The following C11orf65 variants were observed in gnomAD, a reference collection of about 807,000 sequenced individuals.
The protein encoded by C11orf65 is chromosome 11 open reading frame 65.
In C11orf65, 38 loss-of-function variants were observed where a neutral mutation model predicts 35.3. That is an observed-to-expected ratio of 1.08 (90% confidence interval 0.83 to 1.41). The LOEUF (loss-of-function observed/expected upper bound fraction) is 1.41. C11orf65 is among the 40% of genes most tolerant of loss of function. C11orf65 has a pLI of 0.00. For synonymous variants in C11orf65, 105 were observed against 114.4 expected, an observed-to-expected ratio of 0.92 and a Z score of 0.53; for missense variants, 370 against 367.1, an observed-to-expected ratio of 1.01 and a Z score of -0.06.
chr11:108,435,309 T>C (rs2135456209), intron 2 of C11orf65, among the ~76,000 whole-genome samples: 1 of 151,952 alleles, frequency 6.6e-6, no homozygotes, highest in African/African-American at 2.4e-5. Context: ...GTTCTCCTCA[T>C]ACCAATAAAC....
At chr11:108,425,563 G>C (rs1391218909) in intron 3 of C11orf65, among the ~76,000 whole-genome samples, 4 of 152,188 alleles carry the variant, frequency 2.6e-5, no homozygotes, top group African/African-American at 7.2e-5. Flanking sequence ...AATTCTACCA[G>C]AGATACAAAG....
chr11:108,427,328 A>G (rs935380653), intron 3 of C11orf65, among the ~76,000 whole-genome samples: 2 of 151,298 alleles, frequency 1.3e-5, no homozygotes, highest in Non-Finnish European at 2.9e-5. Context: ...TAAGGAACTT[A>G]AACAAATTTA....
chr11:108,317,102 T>TAAA (rs113573757), intron 6 of C11orf65, among the ~76,000 whole-genome samples: 1 of 144,580 alleles, frequency 6.9e-6, no homozygotes, highest in African/African-American at 2.5e-5. Context: ...CCCAGCTATT[T>TAAA]TAAAAAAAAA....
intron 2 of C11orf65, among the ~76,000 whole-genome samples, chr11:108,336,771 C>A (rs190729300): frequency 2.0e-5 from 3 of 152,216 alleles, no homozygotes; most frequent in Admixed American, 1.3e-4. Flanking sequence ...TACCCACTTA[C>A]ATTTCCTCTA....
intron 6 of C11orf65, among the ~76,000 whole-genome samples, chr11:108,311,684 C>T (rs892407520): frequency 5.3e-5 from 8 of 150,196 alleles, no homozygotes; most frequent in Non-Finnish European, 8.9e-5. Context: ...GGCGACAGAG[C>T]GAGACCCTAT....
Position 108,316,124 on chromosome 11 carries a change from T to C in C11orf65, c.641-7053A>G, listed in dbSNP as rs774664615. ...GCAGGAATCATTCAGGTACATTTTT[T>C]CCCAGATTTGGTAAAGCCATCACTA... is the stretch of plus-strand genomic sequence containing the variant. On this transcript the variant is annotated intron_variant, in intron 6 of 6. Transcript: ENST00000525729. The C allele has an allele frequency of 1.2e-6, 2 of 1,612,656 alleles. No homozygotes were observed. The highest frequency in any genetic ancestry group is 1.7e-6 in the Non-Finnish European group (2 of 1,178,738).
At chr11:108,366,056 G>C (rs227092) in intron 2 of C11orf65, 6 of 171,900 alleles carry the variant, frequency 3.5e-5, no homozygotes, top group South Asian at 2.0e-4. Context: ...AAACAGAAAC[G>C]TATTTGGATT....
intron 2 of C11orf65, among the ~76,000 whole-genome samples, chr11:108,356,992 G>C (rs199709393): frequency 4.6e-4 from 70 of 152,348 alleles, no homozygotes; most frequent in African/African-American, 1.4e-3. Context: ...CAGCGTGAGC[G>C]ATGCAGAAGA....
At chr11:108,318,240 T>C (rs2084917114) in intron 6 of C11orf65, among the ~76,000 whole-genome samples, 2 of 151,972 alleles carry the variant, frequency 1.3e-5, no homozygotes, top group South Asian at 2.1e-4. Flanking sequence ...CATGCGCCTG[T>C]AGTCCCAGCT....
At chr11:108,379,144 T>C (rs2091806097), downstream of C11orf65, among the ~76,000 whole-genome samples, 1 of 152,136 alleles carries the variant, frequency 6.6e-6, no homozygotes, top group Non-Finnish European at 1.5e-5. Context: ...CCCAAAGGAC[T>C]ATAAATCATG....
At chr11:108,379,598 C>G (rs1046707396), downstream of C11orf65, among the ~76,000 whole-genome samples, 1 of 150,934 alleles carries the variant, frequency 6.6e-6, no homozygotes, top group Non-Finnish European at 1.5e-5. Context: ...GCACATTGTG[C>G]ACATGTACCC....
At chr11:108,331,225 A>T, downstream of C11orf65, 1 of 1,249,316 alleles carries the variant, frequency 8.0e-7, no homozygotes, top group Non-Finnish European at 1.0e-6. Context: ...AGTTTAATTT[A>T]GGACCAAATA....
chr11:108,451,327 A>T (rs1298377163), intron 2 of C11orf65, among the ~76,000 whole-genome samples: 1 of 152,038 alleles, frequency 6.6e-6, no homozygotes, highest in African/African-American at 2.4e-5. Context: ...TACAAAATCA[A>T]TGTGCAAAAA....
At chr11:108,337,952 T>C (rs1179006735) in intron 2 of C11orf65, among the ~76,000 whole-genome samples, 2 of 152,254 alleles carry the variant, frequency 1.3e-5, no homozygotes, top group East Asian at 3.8e-4. Context: ...ATGCCTGACC[T>C]AGAATATCTT....
intron 3 of C11orf65, among the ~76,000 whole-genome samples, chr11:108,423,785 T>A (rs923126586): frequency 3.3e-5 from 5 of 151,986 alleles, no homozygotes; most frequent in African/African-American, 1.2e-4. Context: ...GGAGTGGAAC[T>A]CCAGCAGACT....
At chr11:108,331,810 A>G (rs2136509991) in intron 3 of C11orf65, 3 of 1,553,836 alleles carry the variant, frequency 1.9e-6, no homozygotes, top group Non-Finnish European at 2.7e-6. Flanking sequence ...TTTAATGTTA[A>G]GCAAAATGAA....
chr11:108,364,643 G>T (rs551423554), intron 2 of C11orf65, among the ~76,000 whole-genome samples: 21 of 152,190 alleles, frequency 1.4e-4, no homozygotes, highest in Non-Finnish European at 2.6e-4. Flanking sequence ...TATTGGAGAA[G>T]ACGGCTTAGG....
intron 6 of C11orf65, among the ~76,000 whole-genome samples, chr11:108,395,842 C>T (rs898245729): frequency 6.6e-6 from 1 of 151,404 alleles, no homozygotes; most frequent in Non-Finnish European, 1.5e-5. Context: ...CGGATGGTCT[C>T]GATCTCCTGA....
rs551874111 is a variant in C11orf65, at chr11:108,448,108, C to T, written c.81+13371G>A. Among the ~76,000 whole-genome samples, 321 of 152,254 alleles carry T rather than the reference C, an allele frequency of 2.1e-3. 3 individuals carry two copies. The highest frequency in any genetic ancestry group is 6.6e-3 in the African/African-American group (274 of 41,560). ...GGAAGAAGTTGAATCTCTGAATAGA[C>T]CAATAACAGGATCTGAAATTGTGGC... On this transcript the variant is annotated intron_variant, in intron 2 of 8. Transcript: ENST00000393084.
Sources: allele counts gnomAD v4.1 joint callset (sites outside exome capture counted in the v4.1 genomes callset), GRCh38; gene constraint gnomAD v4.1.1; transcripts MANE v1.5; gene names NCBI Gene and HGNC (gene_info 2026-07-23, HGNC 2026-07-21).